Variants in EXOC4 observed in about 807,000 individuals in gnomAD.
EXOC4 encodes exocyst complex component 4.
Under a neutral mutation model 107.2 loss-of-function variants are expected in EXOC4, and 71 were observed. The ratio of observed to expected loss-of-function variants is 0.66; its 90% CI spans 0.55 to 0.81. The LOEUF (loss-of-function observed/expected upper bound fraction) is 0.81. Among genes scored for constraint, EXOC4 ranks in the 30% least tolerant of loss-of-function variants. The pLI is 0.00. For missense variants in EXOC4, 1,108 were observed against 1,189.6 expected, an observed-to-expected ratio of 0.93 and a Z score of 1.01; for synonymous variants, 456 against 441.2, an observed-to-expected ratio of 1.03 and a Z score of -0.42.
chr7:133,529,458 T>C (rs1489333755), intron 9 of EXOC4, among the ~76,000 whole-genome samples: 1 of 152,186 alleles, frequency 6.6e-6, no homozygotes, highest in East Asian at 1.9e-4. Flanking sequence ...AGTTTTTATT[T>C]TATATCAGAT....
intron 12 of EXOC4, among the ~76,000 whole-genome samples, chr7:133,901,611 A>G (rs942988597): frequency 6.6e-6 from 1 of 152,200 alleles, no homozygotes; most frequent in Non-Finnish European, 1.5e-5. Context: ...AAAAATTGTC[A>G]ATCTTTTATA....
intron 7 of EXOC4, among the ~76,000 whole-genome samples, chr7:133,474,665 A>ATGAG: frequency 6.6e-6 from 1 of 152,134 alleles, no homozygotes; most frequent in South Asian, 2.1e-4. Context: ...AGCTCTCAAT[A>ATGAG]TGAGTAGTGG....
chr7:133,919,331 C>T (rs1799885848), intron 13 of EXOC4, among the ~76,000 whole-genome samples: 1 of 152,104 alleles, frequency 6.6e-6, no homozygotes, highest in Non-Finnish European at 1.5e-5. Flanking sequence ...ATCTTGCATT[C>T]ATGTGGTGTA....
At chr7:133,958,222 G>A (rs1254548965) in intron 14 of EXOC4, among the ~76,000 whole-genome samples, 4 of 151,896 alleles carry the variant, frequency 2.6e-5, no homozygotes, top group African/African-American at 7.3e-5. Flanking sequence ...TTAATCAAAT[G>A]AATCAACCAT....
In EXOC4 at chr7:133,997,107, A is replaced by G. The variant is rs6953091; in HGVS notation, c.2207-385A>G. ...TTCGCCAGCATTTGTGTAAGTGTGC[A>G]GCCAGAATGTGGACAGCCACTTGAA... On this transcript the variant is annotated intron_variant, in intron 14 of 17. Coordinates refer to ENST00000253861, the MANE Select transcript of EXOC4 (RefSeq NM_021807.4). 1.8e-3 allele frequency among the ~76,000 whole-genome samples: 271 copies of G among 152,328 alleles called. 4 individuals carry two copies. The highest frequency in any genetic ancestry group is 6.0e-3 in the African/African-American group (249 of 41,584).
chr7:133,870,931 C>T (rs1798737085), intron 11 of EXOC4, among the ~76,000 whole-genome samples: 1 of 152,184 alleles, frequency 6.6e-6, no homozygotes, highest in Non-Finnish European at 1.5e-5. Flanking sequence ...GTTCACTCTC[C>T]ATCCACTTAC....
At chr7:133,451,216 T>A (rs1372401695) in intron 7 of EXOC4, among the ~76,000 whole-genome samples, 1 of 127,294 alleles carries the variant, frequency 7.9e-6, no homozygotes, top group East Asian at 2.6e-4. Flanking sequence ...TTTGGCATTG[T>A]GAAGCTTTTT....
chr7:133,276,092 T>C (rs1265815914), intron 2 of EXOC4, among the ~76,000 whole-genome samples: 1 of 152,132 alleles, frequency 6.6e-6, no homozygotes, highest in East Asian at 1.9e-4. Flanking sequence ...TCTTTTTCTC[T>C]TCCTTCCTTT....
intron 11 of EXOC4, among the ~76,000 whole-genome samples, chr7:133,877,978 T>C (rs1798885582): frequency 6.6e-6 from 1 of 152,150 alleles, no homozygotes; most frequent in Admixed American, 6.5e-5. Context: ...AGGGCTCACG[T>C]CATTTGTTTT....
chr7:133,745,689 G>A (rs1463802918), intron 10 of EXOC4, among the ~76,000 whole-genome samples: 1 of 145,248 alleles, frequency 6.9e-6, no homozygotes, highest in Non-Finnish European at 1.5e-5. Flanking sequence ...GTTTATTTTA[G>A]AACTATTGCC....
chr7:133,605,782 A>G (rs543980519), intron 9 of EXOC4, among the ~76,000 whole-genome samples: 4 of 152,278 alleles, frequency 2.6e-5, no homozygotes, highest in Non-Finnish European at 5.9e-5. Flanking sequence ...TCATTAGCAT[A>G]TAGATGGTAC....
chr7:133,424,375 G>A (rs1039463487), intron 7 of EXOC4, among the ~76,000 whole-genome samples: 1 of 151,732 alleles, frequency 6.6e-6, no homozygotes, highest in Admixed American at 6.6e-5. Flanking sequence ...TTTAAGAGCT[G>A]TAACACTCAC....
At chr7:134,087,032 T>C in the EXOC4 span, among the ~76,000 whole-genome samples, 3 of 152,184 alleles carry the variant, frequency 2.0e-5, no homozygotes, top group Admixed American at 2.0e-4. Flanking sequence ...CAAACTGTTT[T>C]ATCAGCAAGG....
intron 3 of EXOC4, among the ~76,000 whole-genome samples, chr7:133,300,453 T>C (rs914962064): frequency 1.3e-5 from 2 of 152,192 alleles, no homozygotes; most frequent in African/African-American, 4.8e-5. Flanking sequence ...GCCCTGACCC[T>C]TGAATGAATC....
chr7:133,572,035 G>C (rs187260396), intron 9 of EXOC4, among the ~76,000 whole-genome samples: 1 of 152,320 alleles, frequency 6.6e-6, no homozygotes, highest in African/African-American at 2.4e-5. Context: ...TGCTGGGAAG[G>C]TAGGCACAGG....
At chr7:133,883,213 A>G (rs1799002566) in intron 11 of EXOC4, among the ~76,000 whole-genome samples, 1 of 152,084 alleles carries the variant, frequency 6.6e-6, no homozygotes, top group Non-Finnish European at 1.5e-5. Flanking sequence ...CACGTGTTGC[A>G]TGTAGCAGTA....
intron 14 of EXOC4, among the ~76,000 whole-genome samples, chr7:133,996,685 T>C (rs1396437127): frequency 6.6e-6 from 1 of 152,102 alleles, no homozygotes; most frequent in Non-Finnish European, 1.5e-5. Context: ...GTGTAAAGCG[T>C]CATGGCATCT....
intron 17 of EXOC4, among the ~76,000 whole-genome samples, chr7:134,061,079 C>T (rs1796046432): frequency 6.6e-6 from 1 of 152,148 alleles, no homozygotes; most frequent in Non-Finnish European, 1.5e-5. Context: ...TCACTCATCA[C>T]ACTGTGGAAG....
At chr7:133,311,141 G>A (rs1256462184) in intron 4 of EXOC4, among the ~76,000 whole-genome samples, 2 of 152,284 alleles carry the variant, frequency 1.3e-5, no homozygotes, top group East Asian at 1.9e-4. Context: ...GAAGATGTCA[G>A]TTCCAGTTGA....
Sources: gnomAD v4.1 joint callset for allele counts (sites outside exome capture counted in the v4.1 genomes callset) on GRCh38, gnomAD v4.1.1 for gene constraint, MANE v1.5 for transcripts, NCBI Gene and HGNC (gene_info 2026-07-23, HGNC 2026-07-21) for gene names.